GMDS: variants seen among roughly 807,000 people sequenced by gnomAD.
GMDS encodes the protein GDP-mannose 4,6 dehydratase.
A neutral mutation model predicts 49.9 loss-of-function variants in GMDS; 20 were observed. The ratio of observed to expected loss-of-function variants is 0.40; its 90% CI spans 0.28 to 0.58. The LOEUF (loss-of-function observed/expected upper bound fraction) is 0.58. Among genes scored for constraint, GMDS ranks in the 20% least tolerant of loss-of-function variants. GMDS has a pLI of 0.42. For missense variants in GMDS, 362 were observed against 481.4 expected (o/e 0.75, Z 2.32); for synonymous variants, 177 against 178.6 (o/e 0.99, Z 0.07).
At chr6:1,662,358 G>A (rs1764106974) in intron 9 of GMDS, among the ~76,000 whole-genome samples, 1 of 152,170 alleles carries the variant, frequency 6.6e-6, no homozygotes, top group Admixed American at 6.5e-5. Flanking sequence ...CAGTGACATG[G>A]CAGGAGGGCC....
chr6:1,764,122 AT>A (rs1768261603), intron 7 of GMDS, among the ~76,000 whole-genome samples: 1 of 152,124 alleles, frequency 6.6e-6, no homozygotes, highest in Non-Finnish European at 1.5e-5. Flanking sequence ...GTTTGAAATG[AT>A]TTTGTTCCCA....
chr6:2,191,742 T>C lies in GMDS; in HGVS notation c.102+53579A>G, dbSNP rs564943366. Among the ~76,000 whole-genome samples the C allele has an allele frequency of 3.3e-5, 5 of 152,302 alleles. No homozygotes were observed. The highest frequency in any genetic ancestry group is 1.3e-4 in the Admixed American group (2 of 15,306). On this transcript the variant is annotated intron_variant, in intron 1 of 10. Coordinates refer to ENST00000380815, the MANE Select transcript of GMDS (RefSeq NM_001500.4). The surrounding 1 kb of genome is among the most constrained non-coding windows in gnomAD (Gnocchi z 4.6). ...AACCTAGGGGGACACTGAGAGCAGC[T>C]TGATGCTGGCCTGCAGGTACCCCAT...
chr6:1,660,647 G>A (rs1764036937), intron 9 of GMDS, among the ~76,000 whole-genome samples: 2 of 150,916 alleles, frequency 1.3e-5, no homozygotes, highest in East Asian at 1.9e-4. Context: ...GCTGCGAGAC[G>A]CGGGGATGCA....
Position 1,994,159 on chromosome 6 carries a change from C to A in GMDS, c.346-33193G>T, listed in dbSNP as rs572738356. ...TCCTTGTATTTGTACTTAGATGTGGCTCCCAAGATAAAGTCACATTGTCTC... is the reference window on the plus strand; with the variant it reads ...TCCTTGTATTTGTACTTAGATGTGGATCCCAAGATAAAGTCACATTGTCTC... On this transcript the variant is annotated intron_variant, in intron 4 of 10. Coordinates refer to ENST00000380815, the MANE Select transcript of GMDS (RefSeq NM_001500.4). Among the ~76,000 whole-genome samples, 4 of 152,332 alleles carry A rather than the reference C, an allele frequency of 2.6e-5. No individual in the cohort carries two copies. In the South Asian group the frequency reaches 8.3e-4, roughly 32 times the overall value.
At chr6:2,148,890 T>C (rs1776708657) in intron 1 of GMDS, among the ~76,000 whole-genome samples, 1 of 152,134 alleles carries the variant, frequency 6.6e-6, no homozygotes, top group African/African-American at 2.4e-5. Context: ...GTAGAACACG[T>C]GAGAAACTGC....
At chr6:2,235,809 T>TAA (rs574415869) in intron 1 of GMDS, among the ~76,000 whole-genome samples, 2 of 79,444 alleles carry the variant, frequency 2.5e-5, no homozygotes, top group African/African-American at 9.6e-5. Context: ...TTCTGGAAAA[T>TAA]AAAAAAAAAT....
intron 9 of GMDS, among the ~76,000 whole-genome samples, chr6:1,683,314 C>T (rs549130589): frequency 3.3e-5 from 5 of 152,066 alleles, no homozygotes; most frequent in East Asian, 1.9e-4. Flanking sequence ...TAGTAGAGAC[C>T]GGGTTTCACC....
intron 8 of GMDS, among the ~76,000 whole-genome samples, chr6:1,737,983 C>T (rs1429532928): frequency 4.1e-5 from 6 of 147,514 alleles, no homozygotes; most frequent in African/African-American, 1.5e-4. Flanking sequence ...CATACACACA[C>T]ACCACAAACA....
At chr6:1,932,818 A>G (rs955169280) in intron 6 of GMDS, among the ~76,000 whole-genome samples, 2 of 152,224 alleles carry the variant, frequency 1.3e-5, no homozygotes, top group Admixed American at 6.5e-5. Flanking sequence ...GATTACAGGC[A>G]TGAGCCACCG....
At chr6:2,046,194 C>T (rs974404880) in intron 4 of GMDS, among the ~76,000 whole-genome samples, 1 of 152,102 alleles carries the variant, frequency 6.6e-6, no homozygotes, top group Non-Finnish European at 1.5e-5. Flanking sequence ...GCCTGGGCAA[C>T]AGAGCAAGAG....
In GMDS at chr6:1,958,121, T is replaced by G. The variant is rs530342362; in HGVS notation, c.643+1746A>C. On this transcript the variant is annotated intron_variant, in intron 6 of 10. Transcript: ENST00000380815. ...GTGCCTGGCCTTAAAATATGTTTTT[T>G]TTTTTTTTTTTTTAGTTAGTGGTTA... Among the ~76,000 whole-genome samples, 303 of 151,796 alleles carry G rather than the reference T, an allele frequency of 2.0e-3. 2 individuals are homozygous for G. Among genetic ancestry groups the G allele is most frequent in the Middle Eastern group, 6.8e-3 (2 of 292 alleles).
chr6:2,149,777 C>T (rs941760949), intron 1 of GMDS, among the ~76,000 whole-genome samples: 1 of 152,166 alleles, frequency 6.6e-6, no homozygotes, highest in Non-Finnish European at 1.5e-5. Flanking sequence ...CCCCAGAACC[C>T]AACGGTGACT....
chr6:2,179,808 A>G (rs1209243761), intron 1 of GMDS, among the ~76,000 whole-genome samples: 2 of 152,172 alleles, frequency 1.3e-5, no homozygotes, highest in Middle Eastern at 3.2e-3. Flanking sequence ...CTACCCATCT[A>G]TCAGACATTT....
rs562745911 is a variant in GMDS at position 1,952,626 on chromosome 6, G to T, written c.643+7241C>A. On this transcript the variant is annotated intron_variant, in intron 6 of 10. Transcript: ENST00000380815. Reference sequence around the variant, plus strand: ...ACAGTTTAGCAACGGAAGCGCTCCTGGGGGAAGAAGGTAGTGATGGATCTG... The same window carrying T: ...ACAGTTTAGCAACGGAAGCGCTCCTTGGGGAAGAAGGTAGTGATGGATCTG... Among the ~76,000 whole-genome samples the T allele has an allele frequency of 2.0e-5, 3 of 152,162 alleles. No individual in the cohort carries two copies. In the East Asian group the frequency reaches 5.8e-4, roughly 29 times the overall value.
At chr6:1,734,636 G>A (rs901244743) in intron 8 of GMDS, among the ~76,000 whole-genome samples, 2 of 152,218 alleles carry the variant, frequency 1.3e-5, no homozygotes, top group African/African-American at 4.8e-5. Context: ...TTGTGGGGAG[G>A]CCTCCTCAAA....
At chr6:1,807,322 C>T (rs905524707) in intron 7 of GMDS, among the ~76,000 whole-genome samples, 6 of 152,210 alleles carry the variant, frequency 3.9e-5, no homozygotes, top group African/African-American at 1.4e-4. Flanking sequence ...GATTATACTG[C>T]ACTCAGCCTA....
Position 1,690,892 on chromosome 6 carries a change from C to T in GMDS, c.987+35524G>A, listed in dbSNP as rs560069529. Among the ~76,000 whole-genome samples the T allele has an allele frequency of 1.2e-4, 18 of 152,234 alleles. No homozygotes were observed. The South Asian group carries it at 1.2e-3, about 11-fold the overall frequency. On this transcript the variant is annotated intron_variant, in intron 9 of 10. Transcript: ENST00000380815. ...TGGCAAGGCTGTGGAGAGATAGGGA[C>T]GCTTTTACACTGTTGGTGGGAATGT... is the stretch of plus-strand genomic sequence containing the variant.
chr6:1,706,999 G>A (rs571435839), intron 9 of GMDS, among the ~76,000 whole-genome samples: 85 of 152,306 alleles, frequency 5.6e-4, no homozygotes, highest in African/African-American at 1.9e-3. Flanking sequence ...ATCTCATACT[G>A]GTTCCTAACT....
intron 7 of GMDS, among the ~76,000 whole-genome samples, chr6:1,764,944 G>C (rs1768291447): frequency 6.6e-6 from 1 of 152,134 alleles, no homozygotes; most frequent in African/African-American, 2.4e-5. Flanking sequence ...CAGAGGAGCT[G>C]TCTTTTTTTC....
Sources: gnomAD v4.1 joint callset for allele counts (sites outside exome capture counted in the v4.1 genomes callset) on GRCh38, gnomAD v4.1.1 for gene constraint, Gnocchi (gnomAD v3.1) non-coding constraint, MANE v1.5 for transcripts, NCBI Gene and HGNC (gene_info 2026-07-23, HGNC 2026-07-21) for gene names.